The following ITGA11 variants were observed in gnomAD, a reference collection of about 807,000 sequenced individuals.
The protein encoded by ITGA11 is integrin alpha-11.
A neutral mutation model predicts 141.9 loss-of-function variants in ITGA11; 97 were observed. That is an observed-to-expected ratio of 0.68 (90% CI 0.58 to 0.81). The LOEUF (loss-of-function observed/expected upper bound fraction) is 0.81, where lower values mean the gene tolerates loss of function less well. Ranked by LOEUF, ITGA11 falls within the 30% of genes least tolerant of loss-of-function variation. The pLI, the probability that ITGA11 is intolerant of heterozygous loss-of-function variation, is 0.00. For missense variants in ITGA11, 1,387 were observed against 1,559.2 expected (o/e 0.89, Z 1.86); for synonymous variants, 658 against 624.6 (o/e 1.05, Z -0.80).
chr15:68,388,373 C>T (rs749069189), intron 2 of ITGA11, among the ~76,000 whole-genome samples: 1 of 152,062 alleles, frequency 6.6e-6, no homozygotes, highest in African/African-American at 2.4e-5. Context: ...CCTCATGTCT[C>T]TAATGACTAT....
chr15:68,318,582 C>T (rs888586209), intron 20 of ITGA11, among the ~76,000 whole-genome samples: 1 of 152,126 alleles, frequency 6.6e-6, no homozygotes, highest in African/African-American at 2.4e-5. Flanking sequence ...TGCAGATAGG[C>T]CTTGAGGTCT....
At chr15:68,431,720 C>G (rs1190601595) in intron 1 of ITGA11, among the ~76,000 whole-genome samples, 1 of 152,242 alleles carries the variant, frequency 6.6e-6, no homozygotes, top group East Asian at 1.9e-4. Flanking sequence ...TTGGAGGCAC[C>G]TAAGGCGCCC....
intron 8 of ITGA11, 54 bp downstream of exon 8, chr15:68,351,204 G>T: frequency 6.3e-7 from 1 of 1,597,536 alleles, no homozygotes. Flanking sequence ...CCAGGGATTT[G>T]ATGGTAAAGC....
At chr15:68,369,751 C>G (rs1426252938) in intron 2 of ITGA11, among the ~76,000 whole-genome samples, 3 of 152,224 alleles carry the variant, frequency 2.0e-5, no homozygotes, top group Non-Finnish European at 2.9e-5. Flanking sequence ...TACAGGGAAG[C>G]CTTAAAGCTG....
chr15:68,356,276 T>TG (rs1895068045), intron 7 of ITGA11, among the ~76,000 whole-genome samples: 1 of 151,950 alleles, frequency 6.6e-6, no homozygotes, highest in Middle Eastern at 3.4e-3. Context: ...GTTTTTTTTT[T>TG]GTATTTTAGT....
At chr15:68,401,595 C>A (rs1156695887) in intron 2 of ITGA11, among the ~76,000 whole-genome samples, 2 of 152,116 alleles carry the variant, frequency 1.3e-5, no homozygotes, top group African/African-American at 4.8e-5. Flanking sequence ...AGTGAGAGGT[C>A]AGATACAAAT....
chr15:68,330,089 G>A (rs1021556076), intron 15 of ITGA11, among the ~76,000 whole-genome samples: 5 of 152,198 alleles, frequency 3.3e-5, no homozygotes, highest in South Asian at 2.1e-4. Context: ...GCTCTCTTCC[G>A]GCTTCACTTC....
chr15:68,415,270 A>G (rs769217031), intron 1 of ITGA11, among the ~76,000 whole-genome samples: 1 of 152,172 alleles, frequency 6.6e-6, no homozygotes, highest in Non-Finnish European at 1.5e-5. Flanking sequence ...GCCTTTGTGC[A>G]GGTCAGAACG....
intron 10 of ITGA11, among the ~76,000 whole-genome samples, chr15:68,346,443 T>C (rs1894746904): frequency 6.6e-6 from 1 of 152,196 alleles, no homozygotes. Context: ...ATCATGATTT[T>C]AGAAGCAGGA....
At chr15:68,358,906 G>GTTT in intron 5 of ITGA11, among the ~76,000 whole-genome samples, 1 of 152,192 alleles carries the variant, frequency 6.6e-6, no homozygotes, top group Non-Finnish European at 1.5e-5. Context: ...TCAGTACCTT[G>GTTT]GTATTGTTTG....
At chr15:68,378,952 G>C (rs200077821) in intron 2 of ITGA11, among the ~76,000 whole-genome samples, 36 of 152,324 alleles carry the variant, frequency 2.4e-4, no homozygotes, top group East Asian at 5.8e-4. Context: ...TCTTAGAAGA[G>C]AAGAGGGAAG....
chr15:68,320,071 T>G, intron 20 of ITGA11, 114 bp downstream of exon 20: 24 of 881,654 alleles, frequency 2.7e-5, no homozygotes, highest in Non-Finnish European at 3.4e-5. Context: ...ATTACAGGCA[T>G]GAGCCACTGC....
intron 2 of ITGA11, among the ~76,000 whole-genome samples, chr15:68,395,011 C>T (rs1376764920): frequency 1.3e-5 from 2 of 152,162 alleles, no homozygotes; most frequent in Non-Finnish European, 2.9e-5. Flanking sequence ...AACTGAGCCT[C>T]CACTGGTGAT....
chr15:68,320,861 T>C (rs947921773), intron 19 of ITGA11, among the ~76,000 whole-genome samples: 2 of 152,244 alleles, frequency 1.3e-5, no homozygotes, highest in Admixed American at 6.5e-5. Context: ...AATCATCTCA[T>C]AGTTGGATCA....
In ITGA11 at chr15:68,303,204, A is replaced by C. The variant is rs959412551; in HGVS notation, c.3496-74T>G. The C allele has an allele frequency of 1.1e-5, 14 of 1,312,560 alleles. No homozygotes were observed. The South Asian group carries it at 1.7e-4, about 16-fold the overall frequency. 81.3% of individuals were successfully genotyped at this position (1,312,560 alleles called of 1,614,324 possible). On this transcript the variant is annotated intron_variant, in intron 29 of 29. Transcript: ENST00000315757. The surrounding 1 kb of genome is among the most constrained non-coding windows in gnomAD (Gnocchi z 5.3). The stretch of plus-strand genomic sequence containing the variant: ...GGCCTGCCCCAGCTTTCCCTCCACT[A>C]CCTTTCCTTGGGATTCCTCCCTCAG...
chr15:68,339,449 G>A, intron 11 of ITGA11, 51 bp downstream of exon 11: 1 of 1,566,674 alleles, frequency 6.4e-7, no homozygotes, highest in Non-Finnish European at 8.7e-7. Context: ...CAGCCCCTGG[G>A]TGCCCTCCCG....
At chr15:68,354,260 C>T (rs934487968) in intron 7 of ITGA11, among the ~76,000 whole-genome samples, 3 of 152,096 alleles carry the variant, frequency 2.0e-5, no homozygotes, top group African/African-American at 7.2e-5. Context: ...CTGATCTAGC[C>T]TTGGTGCCTA....
intron 1 of ITGA11, among the ~76,000 whole-genome samples, chr15:68,418,467 G>A (rs184412120): frequency 1.1e-4 from 16 of 152,200 alleles, no homozygotes; most frequent in Non-Finnish European, 1.3e-4. Flanking sequence ...GCCCTCAGTT[G>A]CCTTATCTGT....
intron 1 of ITGA11, among the ~76,000 whole-genome samples, chr15:68,413,455 G>A (rs972193694): frequency 2.6e-5 from 4 of 152,270 alleles, no homozygotes; most frequent in East Asian, 1.9e-4. Context: ...CACGACTTAC[G>A]GTGTTCAGAG....
Sources: allele counts gnomAD v4.1 joint callset (sites outside exome capture counted in the v4.1 genomes callset), GRCh38; gene constraint gnomAD v4.1.1; non-coding constraint Gnocchi (gnomAD v3.1); transcripts MANE v1.5; gene names NCBI Gene and HGNC (gene_info 2026-07-23, HGNC 2026-07-21).